The following TOGARAM1 variants were observed in gnomAD, a reference collection of about 807,000 sequenced individuals.
The protein encoded by TOGARAM1 is TOG array regulator of axonemal microtubules protein 1.
A neutral mutation model predicts 166.6 loss-of-function variants in TOGARAM1; 100 were observed. The ratio of observed to expected loss-of-function variants is 0.60; its 90% CI spans 0.51 to 0.71. TOGARAM1 has a LOEUF of 0.71. TOGARAM1 is among the 30% of genes least tolerant of loss of function. TOGARAM1 has a pLI of 0.00. For synonymous variants in TOGARAM1, 758 were observed against 763.8 expected, an observed-to-expected ratio of 0.99 and a Z score of 0.13; for missense variants, 2,029 against 2,102.7, an observed-to-expected ratio of 0.96 and a Z score of 0.69.
intron 7 of TOGARAM1, among the ~76,000 whole-genome samples, chr14:45,018,405 A>T (rs1012425379): frequency 5.3e-5 from 8 of 151,918 alleles, no homozygotes; most frequent in African/African-American, 1.7e-4. Flanking sequence ...ACGCCTGGGT[A>T]ATTTATTTTG....
intron 7 of TOGARAM1, among the ~76,000 whole-genome samples, 160 bp downstream of exon 7, chr14:45,012,235 A>G (rs992576856): frequency 2.6e-5 from 4 of 152,214 alleles, no homozygotes; most frequent in African/African-American, 9.6e-5. Context: ...GGAATATGAT[A>G]TTGTTTTGGA....
intron 11 of TOGARAM1, among the ~76,000 whole-genome samples, chr14:45,033,472 G>A (rs150972030): frequency 6.6e-6 from 1 of 152,008 alleles, no homozygotes; most frequent in East Asian, 1.9e-4. Flanking sequence ...AAACAAATGG[G>A]CATAGCTGTG....
rs202087464 is a variant in TOGARAM1, at chr14:45,044,858, A to G, written c.4142A>G (p.Asn1381Ser). 28 of 1,610,290 alleles carry G rather than the reference A, an allele frequency of 1.7e-5. No individual in the cohort carries two copies. Among genetic ancestry groups the G allele is most frequent in the Admixed American group, 5.0e-5 (3 of 59,550 alleles). The change falls in exon 13 of 20, where the codon AAT (asparagine) becomes AGT (serine). Residue 1381 changes from asparagine (N) to serine (S), a missense_variant. Coordinates refer to ENST00000361462, the MANE Select transcript of TOGARAM1 (RefSeq NM_001308120.2). ...TPARAVVSLI[N>S]GGQSHLHIAV... ...GCACGTGCAGTTGTTTCTCTTATCA[A>G]TGGTGGACAAAGGTAATGTTCAAAA... is the stretch of plus-strand genomic sequence containing the variant.
chr14:45,045,333 C>CTAAAGTTCATTATA, intron 13 of TOGARAM1, among the ~76,000 whole-genome samples: 1 of 151,054 alleles, frequency 6.6e-6, no homozygotes, highest in Non-Finnish European at 1.5e-5. Flanking sequence ...CCTTCTTTCT[C>CTAAAGTTCATTATA]TAAAGTTCAT....
intron 1 of TOGARAM1, among the ~76,000 whole-genome samples, chr14:44,985,728 C>T (rs1388701084): frequency 6.6e-6 from 1 of 152,240 alleles, no homozygotes; most frequent in Non-Finnish European, 1.5e-5. Flanking sequence ...AGGCCAGGAC[C>T]AGTAGCAGTC....
rs1162647114 is a variant in TOGARAM1 at position 44,963,212 on chromosome 14, TTGG to T, written c.794_796del (p.Gly265del). 7 of 1,614,200 alleles carry T rather than the reference TTGG, an allele frequency of 4.3e-6. No homozygotes were observed. The highest frequency in any genetic ancestry group is 5.9e-6 in the Non-Finnish European group (7 of 1,180,038). On this transcript the variant is annotated inframe_deletion, in exon 1 of 20. Coordinates refer to ENST00000361462, the MANE Select transcript of TOGARAM1 (RefSeq NM_001308120.2). ...GTGATAATATCCCTAGCCCGAAAGC[TTGG>T]TGATCAGGAGACAGAAGAAGAATCT...
chr14:45,026,489 A>T (rs73348082), intron 8 of TOGARAM1, among the ~76,000 whole-genome samples: 9,075 of 152,140 alleles, frequency 0.06, 677 homozygotes, highest in African/African-American at 0.18. Flanking sequence ...CCCTCCTCAG[A>T]TTGGCTACAG....
chr14:45,053,320 C>T (rs972601246), intron 15 of TOGARAM1, among the ~76,000 whole-genome samples: 4 of 152,020 alleles, frequency 2.6e-5, no homozygotes, highest in Non-Finnish European at 5.9e-5. Context: ...GGATTACAGG[C>T]GAGAGCCAAT....
chr14:44,964,199 T>C lies in TOGARAM1; in HGVS notation c.1778T>C (p.Met593Thr). 4.3e-6 allele frequency: 7 copies of C among 1,614,174 alleles called. No individual in the cohort carries two copies. Among genetic ancestry groups the C allele is most frequent in the Admixed American group, 1.7e-5 (1 of 60,024 alleles). ...EQGFVEYAVLMPSSAGGRSNH... is the reference protein window; with the variant it reads ...EQGFVEYAVLTPSSAGGRSNH... ...GGATTTGTGGAATATGCAGTACTGA[T>C]GCCATCTTCTGCCGGGGGTAGGTCA... The change falls in exon 1 of 20, where the codon ATG becomes ACG. Residue 593 changes from methionine to threonine, a missense_variant. Transcript: ENST00000361462.
At chr14:45,002,299 C>T (rs1230675618) in intron 3 of TOGARAM1, among the ~76,000 whole-genome samples, 1 of 152,132 alleles carries the variant, frequency 6.6e-6, no homozygotes, top group African/African-American at 2.4e-5. Flanking sequence ...TGCCACTTAA[C>T]CTGTTCCTGT....
chr14:44,995,872 A>C lies in TOGARAM1; in HGVS notation c.2173A>C (p.Asn725His). The C allele has an allele frequency of 6.2e-7, 1 of 1,610,412 alleles. No individual in the cohort carries two copies. The highest frequency in any genetic ancestry group is 8.5e-7 in the Non-Finnish European group (1 of 1,178,848). Residue 725 changes from asparagine to histidine, a missense_variant, in exon 2 of 20, where the codon AAC becomes CAC. Around this residue, in one of 2 missense-constraint regions of TOGARAM1, gnomAD observed 1,453 missense variants for 1,432.2 expected, o/e 1.01. Coordinates refer to ENST00000361462, the MANE Select transcript of TOGARAM1 (RefSeq NM_001308120.2). ...CTTATTTCAGAATAGTCGGGATTTT[A>C]ACCCAGATTGTCTTCCTTTATGTGC... ...RNLFQNSRDF[N>H]PDCLPLCAAG...
At chr14:45,021,044 G>A (rs1323124395) in intron 7 of TOGARAM1, among the ~76,000 whole-genome samples, 1 of 152,118 alleles carries the variant, frequency 6.6e-6, no homozygotes, top group Admixed American at 6.5e-5. Context: ...ATGTAGTTTT[G>A]AGAGATCTAG....
chr14:44,973,002 C>T (rs1205945392), intron 1 of TOGARAM1, among the ~76,000 whole-genome samples: 3 of 151,850 alleles, frequency 2.0e-5, no homozygotes, highest in African/African-American at 7.3e-5. Flanking sequence ...TGAGAACTTA[C>T]TGAACTTGGG....
At chr14:45,002,118 C>CCCCAAAGTGAGTGCA in intron 3 of TOGARAM1, among the ~76,000 whole-genome samples, 1 of 152,194 alleles carries the variant, frequency 6.6e-6, no homozygotes, top group East Asian at 1.9e-4. Context: ...ATTTTAACTA[C>CCCCAAAGTGAGTGCA]CCTTTTTTGC....
At chr14:44,983,954 C>G (rs1403673101) in intron 1 of TOGARAM1, among the ~76,000 whole-genome samples, 1 of 152,184 alleles carries the variant, frequency 6.6e-6, no homozygotes, top group African/African-American at 2.4e-5. Context: ...GTAGAAGCTA[C>G]TACCGGTATG....
chr14:45,048,350 A>C (rs1208606087), intron 14 of TOGARAM1, among the ~76,000 whole-genome samples: 3 of 151,870 alleles, frequency 2.0e-5, no homozygotes, highest in African/African-American at 7.2e-5. Context: ...TAATTTTTTA[A>C]AAGAATCTGA....
rs184686698 is a variant in TOGARAM1, at chr14:45,026,169, T to G, written c.3328+297T>G. On this transcript the variant is annotated intron_variant, in intron 8 of 19. Transcript: ENST00000361462. ...GATAGCTTACTTAGTTTTAGCATAGTTTAAATTCAAGTAGCCCTTATTTAT... is the reference window on the plus strand; with the variant it reads ...GATAGCTTACTTAGTTTTAGCATAGGTTAAATTCAAGTAGCCCTTATTTAT... Among the ~76,000 whole-genome samples, 282 of 152,274 alleles carry G rather than the reference T, an allele frequency of 1.9e-3. 2 individuals carry two copies. The highest frequency in any genetic ancestry group is 6.4e-3 in the African/African-American group (265 of 41,560).
At chr14:44,965,431 G>T (rs71412977) in intron 1 of TOGARAM1, among the ~76,000 whole-genome samples, 161 of 152,138 alleles carry the variant, frequency 1.1e-3, no homozygotes, top group Middle Eastern at 0.01. Flanking sequence ...CTACTTGTTT[G>T]TTTCTTTGTT....
intron 14 of TOGARAM1, among the ~76,000 whole-genome samples, chr14:45,051,502 A>AT (rs140123170): frequency 0.043 from 6,328 of 147,966 alleles, 234 homozygotes; most frequent in East Asian, 0.12. Context: ...TGGCAGAAGG[A>AT]TTTGAAGACA....
Sources: allele counts gnomAD v4.1 joint callset (sites outside exome capture counted in the v4.1 genomes callset), GRCh38; gene constraint gnomAD v4.1.1; regional missense constraint gnomAD v4.1.1; transcripts MANE v1.5; gene names NCBI Gene and HGNC (gene_info 2026-07-23, HGNC 2026-07-21).